The following IRAG2 variants were observed in gnomAD, a reference collection of about 807,000 sequenced individuals.
IRAG2 encodes inositol 1,4,5-triphosphate receptor associated 2, also known as lymphoid restricted membrane protein.
Under a neutral mutation model 69.9 loss-of-function variants are expected in IRAG2, and 45 were observed. That is an observed-to-expected ratio of 0.64 (90% CI 0.51 to 0.83). IRAG2 has a LOEUF of 0.83. Among genes scored for constraint, IRAG2 ranks in the 40% least tolerant of loss-of-function variants. The probability of loss-of-function intolerance (pLI) is 0.00; values close to 1 mark genes in which losing one functional copy is unlikely to be tolerated. For synonymous variants in IRAG2, 193 were observed against 202.4 expected (o/e 0.95, Z 0.40); for missense variants, 520 against 587.0 (o/e 0.89, Z 1.18).
At chr12:25,080,573 C>T (rs1313267162) in intron 9 of IRAG2, among the ~76,000 whole-genome samples, 1 of 152,052 alleles carries the variant, frequency 6.6e-6, no homozygotes, top group Non-Finnish European at 1.5e-5. Flanking sequence ...AGGATGGTCT[C>T]GATCTCCTGA....
intron 8 of IRAG2, among the ~76,000 whole-genome samples, chr12:25,024,334 G>T (rs1272850041): frequency 6.6e-6 from 1 of 152,086 alleles, no homozygotes; most frequent in Non-Finnish European, 1.5e-5. Flanking sequence ...TCTTTTCTGG[G>T]CTAATAGTAC....
intron 8 of IRAG2, among the ~76,000 whole-genome samples, chr12:25,024,523 A>C (rs988802665): frequency 4.6e-5 from 7 of 152,260 alleles, no homozygotes; most frequent in African/African-American, 1.7e-4. Context: ...GCTACTAGCA[A>C]GTTACTATTT....
intron 2 of IRAG2, among the ~76,000 whole-genome samples, chr12:25,007,742 G>A (rs913970840): frequency 3.9e-5 from 6 of 152,098 alleles, no homozygotes; most frequent in African/African-American, 7.2e-5. Flanking sequence ...GGCTAGTCTC[G>A]AACTCCTGAC....
Position 25,097,018 on chromosome 12 carries a change from G to A in IRAG2, c.715G>A (p.Ala239Thr), listed in dbSNP as rs771520892. The change falls in exon 15 of 22, where the codon GCT becomes ACT. Residue 239 changes from alanine to threonine, a missense_variant. Ala to Thr is a moderately conservative substitution (Grantham distance 58). Transcript: ENST00000556887. ...GTGTGCAGCACGAGTGGCCAGTAGG[G>A]CTGAGATGTTGGGAGCCATCAATCA... ...SQCAARVASRAEMLGAINQES... is the reference protein window; with the variant it reads ...SQCAARVASRTEMLGAINQES... 3.1e-6 allele frequency: 5 copies of A among 1,612,012 alleles called. No homozygotes were observed. The East Asian group carries it at 1.1e-4, about 36-fold the overall frequency.
intron 21 of IRAG2, 28 bp from the exon 22 acceptor site, chr12:25,107,789 C>T: frequency 1.3e-6 from 2 of 1,596,316 alleles, no homozygotes; most frequent in Non-Finnish European, 1.7e-6. Flanking sequence ...TTACCGATTA[C>T]CAAATTCTAT....
upstream of IRAG2, among the ~76,000 whole-genome samples, chr12:25,002,698 G>A (rs371233030): frequency 4.7e-5 from 7 of 150,064 alleles, no homozygotes; most frequent in Non-Finnish European, 8.8e-5. Context: ...CTAGAGTGCC[G>A]TAGCATGATC....
intron 10 of IRAG2, among the ~76,000 whole-genome samples, chr12:25,087,770 C>T (rs1023628734): frequency 3.9e-5 from 6 of 152,146 alleles, no homozygotes; most frequent in Non-Finnish European, 7.3e-5. Flanking sequence ...CACCTGACCT[C>T]TGCCTCCTGT....
At chr12:25,041,708 T>C (rs1591935500) in intron 16 of IRAG2, among the ~76,000 whole-genome samples, 1 of 149,104 alleles carries the variant, frequency 6.7e-6, no homozygotes, top group East Asian at 2.0e-4. Context: ...GGTTTTGCTG[T>C]GTTGGCCAGG....
intron 15 of IRAG2, 25 bp from the exon 16 acceptor site, chr12:25,101,153 A>G (rs1490461598): frequency 1.9e-6 from 3 of 1,585,746 alleles, no homozygotes; most frequent in Non-Finnish European, 2.6e-6. Context: ...TTCAATGTAA[A>G]TGTGCTCGTT....
intron 8 of IRAG2, 56 bp from the exon 9 acceptor site, chr12:25,079,600 A>G (rs908928174): frequency 7.8e-7 from 1 of 1,288,640 alleles, no homozygotes; most frequent in African/African-American, 1.5e-5. Context: ...AGTTAAATAC[A>G]CTATATATAA....
At chr12:25,011,333 C>T (rs1357405835) in intron 2 of IRAG2, 1 of 1,230,512 alleles carries the variant, frequency 8.1e-7, no homozygotes, top group Non-Finnish European at 1.0e-6. Context: ...TATAACTTTT[C>T]TGTCTTTCAG....
chr12:25,101,958 A>G (rs1592102555), intron 16 of IRAG2: 1 of 666,572 alleles, frequency 1.5e-6, no homozygotes, highest in Non-Finnish European at 2.8e-6. Flanking sequence ...TGTAGTGCCT[A>G]CCCTGTGCTA....
chr12:25,025,496 C>CT (rs755195391), intron 8 of IRAG2, among the ~76,000 whole-genome samples: 32 of 151,626 alleles, frequency 2.1e-4, no homozygotes, highest in Non-Finnish European at 3.5e-4. Context: ...AGGACTCTGT[C>CT]TTTTTTTAAA....
At chr12:25,082,632 C>T (rs1947303004) in intron 9 of IRAG2, among the ~76,000 whole-genome samples, 1 of 150,892 alleles carries the variant, frequency 6.6e-6, no homozygotes, top group African/African-American at 2.4e-5. Context: ...ACAAACAAAA[C>T]AAAACAAAAC....
upstream of IRAG2, among the ~76,000 whole-genome samples, chr12:25,050,400 G>A (rs910458875): frequency 1.7e-4 from 25 of 151,462 alleles, no homozygotes; most frequent in African/African-American, 2.2e-4. Flanking sequence ...ATGGTGGTGC[G>A]TGCCTGTAGT....
intron 9 of IRAG2, among the ~76,000 whole-genome samples, chr12:25,082,603 A>AC (rs1555140823): frequency 5.7e-5 from 4 of 70,010 alleles, no homozygotes; most frequent in Admixed American, 1.3e-4. Flanking sequence ...CTGTCTCAAA[A>AC]AAAAAACAAA....
chr12:25,017,254 A>G (rs1187250034), exon 6 of IRAG2: 1 of 1,232,070 alleles, frequency 8.1e-7, no homozygotes, highest in Non-Finnish European at 1.0e-6. Flanking sequence ...ACAGCCAGTT[A>G]TCAGAGGACT....
chr12:25,044,419 A>G (rs948733044), intron 16 of IRAG2, among the ~76,000 whole-genome samples: 1 of 152,128 alleles, frequency 6.6e-6, no homozygotes, highest in Non-Finnish European at 1.5e-5. Context: ...GTCCTTCCCT[A>G]TCAATAATTA....
chr12:25,012,073 G>A (rs1015130173), intron 3 of IRAG2, among the ~76,000 whole-genome samples: 3 of 151,472 alleles, frequency 2.0e-5, no homozygotes, highest in African/African-American at 7.3e-5. Context: ...GAGGAGAAGG[G>A]CACCCCATGA....
Sources: gnomAD v4.1 joint callset for allele counts (sites outside exome capture counted in the v4.1 genomes callset) on GRCh38, gnomAD v4.1.1 for gene constraint, MANE v1.5 for transcripts, NCBI Gene and HGNC (gene_info 2026-07-23, HGNC 2026-07-21) for gene names.